The following SGCZ variants were observed in gnomAD, a reference collection of about 807,000 sequenced individuals.
SGCZ encodes sarcoglycan zeta.
In SGCZ, 40 loss-of-function variants were observed where a neutral mutation model predicts 41.3. That is an observed-to-expected ratio of 0.97 (90% CI 0.75 to 1.26). SGCZ has a LOEUF of 1.26. SGCZ is among the 50% of genes most tolerant of loss of function. The pLI, the probability that SGCZ is intolerant of heterozygous loss-of-function variation, is 0.00. For missense variants in SGCZ, 552 were observed against 369.8 expected (o/e 1.49, Z -4.04); for synonymous variants, 206 against 137.5 (o/e 1.50, Z -3.49).
intron 1 of SGCZ, among the ~76,000 whole-genome samples, chr8:14,595,582 C>G (rs527525749): frequency 5.8e-4 from 88 of 152,302 alleles, no homozygotes; most frequent in African/African-American, 2.0e-3. Context: ...CTACTAGCAG[C>G]TGGCTAACCT....
intron 3 of SGCZ, among the ~76,000 whole-genome samples, chr8:14,252,257 C>A (rs913459874): frequency 2.6e-5 from 4 of 151,918 alleles, no homozygotes; most frequent in Admixed American, 2.0e-4. Flanking sequence ...TTACTCAGCT[C>A]TTAAGTTATT....
intron 1 of SGCZ, among the ~76,000 whole-genome samples, chr8:14,640,126 A>G (rs1003928734): frequency 3.9e-4 from 59 of 151,746 alleles, no homozygotes; most frequent in African/African-American, 1.3e-3. Context: ...ACATTAAGGG[A>G]GGTTTAAATT....
chr8:14,289,456 A>C (rs933103224), intron 3 of SGCZ, among the ~76,000 whole-genome samples: 3 of 152,102 alleles, frequency 2.0e-5, no homozygotes, highest in African/African-American at 7.2e-5. Flanking sequence ...AATATAGTGC[A>C]GGCAATGGTC....
At chr8:14,857,467 A>C (rs1803581848) in intron 1 of SGCZ, among the ~76,000 whole-genome samples, 1 of 152,202 alleles carries the variant, frequency 6.6e-6, no homozygotes, top group Non-Finnish European at 1.5e-5. Flanking sequence ...CACTGCTAAA[A>C]TTATTTTTAC....
At chr8:14,354,622 G>T (rs10113011) in intron 2 of SGCZ, among the ~76,000 whole-genome samples, 7 of 151,376 alleles carry the variant, frequency 4.6e-5, no homozygotes, top group Non-Finnish European at 7.4e-5. Context: ...ATAAACCATC[G>T]TGTCTACATA....
At chr8:14,647,313 T>A (rs35931805) in intron 1 of SGCZ, among the ~76,000 whole-genome samples, 5 of 151,752 alleles carry the variant, frequency 3.3e-5, no homozygotes, top group Non-Finnish European at 5.9e-5. Flanking sequence ...ATTGCTTTAC[T>A]GATATATCAA....
chr8:14,252,245 T>C (rs957530081), intron 3 of SGCZ, among the ~76,000 whole-genome samples: 4 of 152,192 alleles, frequency 2.6e-5, no homozygotes, highest in Non-Finnish European at 5.9e-5. Flanking sequence ...TTCTTAGCTA[T>C]GTTACTCAGC....
At chr8:14,829,116 T>G (rs191077663) in intron 1 of SGCZ, among the ~76,000 whole-genome samples, 1 of 134,208 alleles carries the variant, frequency 7.5e-6, no homozygotes, top group East Asian at 2.0e-4. Flanking sequence ...TCATGGAGTT[T>G]GTTGTACAGA....
chr8:15,197,885 TAC>T (rs150640188), intron 1 of SGCZ, among the ~76,000 whole-genome samples: 158 of 150,560 alleles, frequency 1.0e-3, no homozygotes, highest in Non-Finnish European at 1.1e-3. Context: ...TGTGTATATA[TAC>T]ACACACACAC....
At chr8:14,356,990 A>T (rs1803319439) in intron 2 of SGCZ, among the ~76,000 whole-genome samples, 2 of 152,098 alleles carry the variant, frequency 1.3e-5, no homozygotes, top group Admixed American at 1.3e-4. Context: ...ACAATAGTAA[A>T]ATATGGGCCA....
At position 14,763,811 on chromosome 8, in the gene SGCZ, T is replaced by C. The variant is rs2252329; in HGVS notation, c.40-208885A>G. ...TCTGCAAAGAAGTCTTCAACTATAT[T>C]GAAGATATTTTGTATATTATAAGTG... is the stretch of plus-strand genomic sequence containing the variant. On this transcript the variant is annotated intron_variant, in intron 1 of 7. Coordinates refer to ENST00000382080, the MANE Select transcript of SGCZ (RefSeq NM_139167.4). Among the ~76,000 whole-genome samples the C allele has an allele frequency of 7.1e-3, 1,078 of 152,336 alleles. 16 individuals carry two copies. The highest frequency in any genetic ancestry group is 0.024 in the African/African-American group (1,008 of 41,586).
chr8:14,806,689 A>C (rs4409401), intron 1 of SGCZ, among the ~76,000 whole-genome samples: 51,147 of 151,928 alleles, frequency 0.34, 10,227 homozygotes, highest in East Asian at 0.5. Flanking sequence ...TGAAACTATT[A>C]CAATCAAGAG....
chr8:15,134,782 G>C (rs1444726554), intron 1 of SGCZ, among the ~76,000 whole-genome samples: 1 of 152,108 alleles, frequency 6.6e-6, no homozygotes, highest in Non-Finnish European at 1.5e-5. Flanking sequence ...AAATGAGTTT[G>C]GAAAACTGTG....
chr8:14,575,095 A>AT (rs1202223132), intron 1 of SGCZ, among the ~76,000 whole-genome samples: 1 of 152,196 alleles, frequency 6.6e-6, no homozygotes, highest in Non-Finnish European at 1.5e-5. Context: ...GAGCAAACTG[A>AT]TTTTTTGCTT....
At chr8:14,318,271 G>A (rs1049314433) in intron 3 of SGCZ, among the ~76,000 whole-genome samples, 14 of 151,548 alleles carry the variant, frequency 9.2e-5, no homozygotes, top group Non-Finnish European at 1.5e-4. Flanking sequence ...AAGAGATAGA[G>A]GAAGAAAGGA....
intron 1 of SGCZ, among the ~76,000 whole-genome samples, chr8:15,007,411 C>T (rs867570220): frequency 1.8e-4 from 28 of 152,180 alleles, no homozygotes; most frequent in Non-Finnish European, 3.7e-4. Flanking sequence ...TTGTAGTTCT[C>T]TAAAACTCTG....
At chr8:15,229,010 A>G (rs527758136) in intron 1 of SGCZ, among the ~76,000 whole-genome samples, 1 of 152,180 alleles carries the variant, frequency 6.6e-6, no homozygotes, top group Admixed American at 6.5e-5. Flanking sequence ...CCTGGCCAAC[A>G]TGGTGAAACC....
chr8:15,126,770 G>A (rs62499785), intron 1 of SGCZ, among the ~76,000 whole-genome samples: 3 of 152,070 alleles, frequency 2.0e-5, no homozygotes, highest in Non-Finnish European at 4.4e-5. Context: ...ACTGCCTGTG[G>A]CTAAGGATGA....
intron 1 of SGCZ, among the ~76,000 whole-genome samples, chr8:14,678,590 A>T (rs1303856114): frequency 6.6e-6 from 1 of 152,246 alleles, no homozygotes; most frequent in Non-Finnish European, 1.5e-5. Flanking sequence ...GCTGGTAAGA[A>T]TGCAAAATGG....
Sources: gnomAD v4.1 joint callset for allele counts (sites outside exome capture counted in the v4.1 genomes callset) on GRCh38, gnomAD v4.1.1 for gene constraint, MANE v1.5 for transcripts, NCBI Gene and HGNC (gene_info 2026-07-23, HGNC 2026-07-21) for gene names.